The following FAM13B variants were observed in gnomAD, a reference collection of about 807,000 sequenced individuals.
FAM13B encodes the protein family with sequence similarity 13 member B.
FAM13B carries 60 observed loss-of-function variants against 117.3 expected under a neutral mutation model. The ratio of observed to expected loss-of-function variants is 0.51; its 90% CI spans 0.42 to 0.63. The LOEUF (loss-of-function observed/expected upper bound fraction) is 0.63, where lower values mean the gene tolerates loss of function less well. FAM13B is among the 30% of genes least tolerant of loss of function. The pLI, the probability that FAM13B is intolerant of heterozygous loss-of-function variation, is 0.00. For missense variants in FAM13B, 972 were observed against 1,091.9 expected (o/e 0.89, Z 1.55); for synonymous variants, 332 against 356.1 (o/e 0.93, Z 0.76).
intron 7 of FAM13B, among the ~76,000 whole-genome samples, chr5:137,991,194 T>C (rs1778521457): frequency 6.6e-6 from 1 of 152,246 alleles, no homozygotes; most frequent in South Asian, 2.1e-4. Context: ...AACATTTTAC[T>C]ATATTTGCAG....
chr5:137,948,876 T>A, intron 18 of FAM13B, 79 bp downstream of exon 18: 1 of 1,096,190 alleles, frequency 9.1e-7, no homozygotes, highest in East Asian at 2.4e-5. Flanking sequence ...TACCTAGACA[T>A]CTCTACCCTG....
chr5:138,018,472 G>C lies in FAM13B; in HGVS notation c.200C>G (p.Ala67Gly), dbSNP rs138794234. Residue 67 changes from alanine to glycine, a missense_variant, in exon 4 of 24, where the codon GCT (alanine) becomes GGT (glycine). Ala to Gly is a moderately conservative substitution (Grantham distance 60). Coordinates refer to ENST00000689681, the MANE Select transcript of FAM13B (RefSeq NM_001385994.1). ...CTGCCGAAGCCACTCCACTGTCTCAGCATTTCCATTGACTTGAAAAAGTCC... is the reference window on the plus strand; with the variant it reads ...CTGCCGAAGCCACTCCACTGTCTCACCATTTCCATTGACTTGAAAAAGTCC... ...QQGLFQVNGN[A>G]ETVEWLRQRY... is the part of the protein sequence containing the mutation. 1.2e-6 allele frequency: 2 copies of C among 1,614,002 alleles called. No individual in the cohort carries two copies. Among genetic ancestry groups the C allele is most frequent in the Non-Finnish European group, 1.7e-6 (2 of 1,180,032 alleles).
In FAM13B at chr5:137,954,391, C is replaced by A. The variant is rs768839991; in HGVS notation, c.1508-15G>T. On this transcript the variant is annotated splice_polypyrimidine_tract_variant and intron_variant, in intron 14 of 23. Coordinates refer to ENST00000689681, the MANE Select transcript of FAM13B (RefSeq NM_001385994.1). ...AGGAAATGGCTCTATAAAACAAACACAAAGAATAGTACCATGGGTCTCTTG... is the reference window on the plus strand; with the variant it reads ...AGGAAATGGCTCTATAAAACAAACAAAAAGAATAGTACCATGGGTCTCTTG... 12 of 1,605,284 alleles carry A rather than the reference C, an allele frequency of 7.5e-6. No individual in the cohort carries two copies. Among genetic ancestry groups the A allele is most frequent in the Non-Finnish European group, 1.0e-5 (12 of 1,174,322 alleles).
intron 7 of FAM13B, among the ~76,000 whole-genome samples, chr5:137,998,532 T>C (rs1326314298): frequency 1.3e-5 from 2 of 152,204 alleles, no homozygotes; most frequent in Admixed American, 6.5e-5. Context: ...ATCTAAACCA[T>C]GGTTATTAGG....
chr5:137,985,284 A>C lies in FAM13B; in HGVS notation c.1152T>G (p.Cys384Trp). 6.2e-7 allele frequency: 1 copy of C among 1,613,816 alleles called. No individual in the cohort carries two copies. Among genetic ancestry groups the C allele is most frequent in the Non-Finnish European group, 8.5e-7 (1 of 1,179,944 alleles). The change falls in exon 10 of 24, where the codon TGT (cysteine) becomes TGG (tryptophan). Residue 384 changes from cysteine (C) to tryptophan (W), a missense_variant. Cys to Trp is a radical substitution (Grantham distance 215). Transcript: ENST00000689681. ...GGGTATTTTCTTCATTCTCAAATAC[A>C]CAATCTTGCTGCATAGCTTCATTGT... ...NLDNEAMQQD[C>W]VFENEENTQS...
At chr5:138,019,988 T>C (rs937816675) in intron 2 of FAM13B, 1 of 979,486 alleles carries the variant, frequency 1.0e-6, no homozygotes, top group African/African-American at 1.8e-5. Flanking sequence ...CTGTAATACA[T>C]TTTTATAAAA....
At chr5:137,990,233 A>G (rs1365274790) in intron 7 of FAM13B, among the ~76,000 whole-genome samples, 1 of 152,154 alleles carries the variant, frequency 6.6e-6, no homozygotes, top group East Asian at 1.9e-4. Context: ...TTCCTTGCCT[A>G]TCGAGAAATA....
intron 1 of FAM13B, among the ~76,000 whole-genome samples, chr5:138,025,508 A>C (rs1437040821): frequency 1.3e-5 from 2 of 151,774 alleles, no homozygotes; most frequent in African/African-American, 4.8e-5. Flanking sequence ...TTATCAATAA[A>C]GTTGGGTGAC....
intron 1 of FAM13B, among the ~76,000 whole-genome samples, chr5:138,021,997 C>T (rs2150992595): frequency 6.6e-6 from 1 of 151,920 alleles, no homozygotes; most frequent in East Asian, 1.9e-4. Context: ...GCCTGTAGTC[C>T]CAGCTACTTG....
intron 1 of FAM13B, chr5:138,039,886 A>G (rs1791427825): frequency 1.3e-5 from 2 of 152,216 alleles, no homozygotes; most frequent in Non-Finnish European, 2.9e-5. Context: ...TTACAGAAGC[A>G]TTTAATGTTT....
rs1765332806 is a variant in FAM13B, at chr5:137,952,567, A to G, written c.1930+61T>C. 6 of 1,012,462 alleles carry G rather than the reference A, an allele frequency of 5.9e-6. No homozygotes were observed. In the East Asian group the frequency reaches 1.0e-4, roughly 17 times the overall value. The allele number at this position is 1,012,462 out of a possible 1,614,324, so 62.7% of individuals were successfully genotyped here. On this transcript the variant is annotated intron_variant, in intron 17 of 23. Coordinates refer to ENST00000689681, the MANE Select transcript of FAM13B (RefSeq NM_001385994.1). ...ATCAAAAGTTGTATTTGTGATTCTCAGACATTAATATAAAAAAATTTTTAA... is the reference window on the plus strand; with the variant it reads ...ATCAAAAGTTGTATTTGTGATTCTCGGACATTAATATAAAAAAATTTTTAA...
In FAM13B at chr5:138,011,175, T is replaced by A. The variant is rs749424853; in HGVS notation, c.549-26A>T. The A allele has an allele frequency of 3.2e-6, 5 of 1,582,368 alleles. No individual in the cohort carries two copies. In the South Asian group the frequency reaches 5.9e-5, roughly 19 times the overall value. On this transcript the variant is annotated intron_variant, in intron 5 of 23. Transcript: ENST00000689681. ...CTAAGAATAGAAGTCCAAATTGAAT[T>A]GAGAGTTCTTAAATCAATCACAGGT...
chr5:137,966,488 T>TATATATAGAGAGAGAGAG (rs1461425784), intron 10 of FAM13B, among the ~76,000 whole-genome samples: 6 of 29,480 alleles, frequency 2.0e-4, no homozygotes, highest in Admixed American at 5.3e-4. Flanking sequence ...TATATATATA[T>TATATATAGAGAGAGAGAG]AGAGAGAGAG....
At chr5:137,966,523 A>AGG (rs1491112081) in intron 10 of FAM13B, among the ~76,000 whole-genome samples, 3 of 138,246 alleles carry the variant, frequency 2.2e-5, no homozygotes, top group Non-Finnish European at 4.7e-5. Flanking sequence ...AGAGAGAGAG[A>AGG]GGGAAAGAGA....
chr5:137,953,257 T>C, intron 16 of FAM13B, 79 bp downstream of exon 16: 1 of 1,501,218 alleles, frequency 6.7e-7, no homozygotes, highest in African/African-American at 1.4e-5. Context: ...CACACAGATC[T>C]AAACTAATGC....
rs1030300240 is a variant in FAM13B, at chr5:138,030,720, C to T, written c.-203+2062G>A. On this transcript the variant is annotated intron_variant, in intron 1 of 23. Transcript: ENST00000689681. ...CAAGAATGAAACTCCGTCCCCCCCCCCCAAAAAAAAAAATTGAACGTAAGG... is the reference window on the plus strand; with the variant it reads ...CAAGAATGAAACTCCGTCCCCCCCCTCCAAAAAAAAAAATTGAACGTAAGG... Among the ~76,000 whole-genome samples the T allele has an allele frequency of 6.2e-5, 9 of 144,594 alleles. No individual in the cohort carries two copies. The East Asian group carries it at 1.3e-3, about 21-fold the overall frequency. 94.9% of individuals were successfully genotyped at this position (144,594 alleles called of 152,430 possible). A position where few individuals can be genotyped will look rare whatever the true frequency, so the allele number is the denominator to read the frequency against.
At position 138,007,191 on chromosome 5, in the gene FAM13B, C is replaced by A; in HGVS notation, c.691-44G>T. 3 of 1,409,170 alleles carry A rather than the reference C, an allele frequency of 2.1e-6. No homozygotes were observed. In the South Asian group the frequency reaches 4.0e-5, roughly 19 times the overall value. 87.3% of individuals were successfully genotyped at this position (1,409,170 alleles called of 1,614,324 possible). On this transcript the variant is annotated intron_variant, in intron 6 of 23. Transcript: ENST00000689681. ...ATTCAGAATTAAAATGTAATGAAAC[C>A]GTTAACACATCTAAGACATACTATT...
chr5:137,944,448 C>T (rs1762838416), intron 20 of FAM13B, among the ~76,000 whole-genome samples: 1 of 152,064 alleles, frequency 6.6e-6, no homozygotes, highest in African/African-American at 2.4e-5. Flanking sequence ...TACATATACG[C>T]CATGAAATAT....
rs1274016900 is a variant in FAM13B at position 138,006,940 on chromosome 5, A to G, written c.848+50T>C. The stretch of plus-strand genomic sequence containing the variant: ...TTTCTGAATGCTGGAGTGAGTTTAC[A>G]CTTAGAATGAAATACTCAAAAGCTA... On this transcript the variant is annotated intron_variant, in intron 7 of 23. Transcript: ENST00000689681. 4 of 1,528,288 alleles carry G rather than the reference A, an allele frequency of 2.6e-6. No individual in the cohort carries two copies. The South Asian group carries it at 3.9e-5, about 15-fold the overall frequency. 94.7% of individuals were successfully genotyped at this position (1,528,288 alleles called of 1,614,324 possible).
Sources: gnomAD v4.1 joint callset for allele counts (sites outside exome capture counted in the v4.1 genomes callset) on GRCh38, gnomAD v4.1.1 for gene constraint, MANE v1.5 for transcripts, NCBI Gene and HGNC (gene_info 2026-07-23, HGNC 2026-07-21) for gene names.